The following DIDO1 variants were observed in gnomAD, a reference collection of about 807,000 sequenced individuals.
DIDO1 encodes the protein death inducer-obliterator 1, also known as death-inducer obliterator 1.
DIDO1 carries 16 observed loss-of-function variants against 99.4 expected under a neutral mutation model. That is an observed-to-expected ratio of 0.16 (90% CI 0.11 to 0.24). DIDO1 has a LOEUF of 0.24. Ranked by LOEUF, DIDO1 falls within the 10% of genes least tolerant of loss-of-function variation. The pLI is 1.00. For missense variants in DIDO1, 2,996 were observed against 3,014.0 expected (o/e 0.99, Z 0.14); for synonymous variants, 1,366 against 1,239.1 (o/e 1.10, Z -2.15).
intron 1 of DIDO1, among the ~76,000 whole-genome samples, chr20:62,937,005 T>C (rs576481955): frequency 1.3e-5 from 2 of 152,368 alleles, no homozygotes; most frequent in South Asian, 4.1e-4. Flanking sequence ...GCTCTTTCGA[T>C]TAACGGAAAA....
At position 62,911,721 on chromosome 20, in the gene DIDO1, T is replaced by G. The variant is rs1359373257; in HGVS notation, c.-2-107A>C. On this transcript the variant is annotated intron_variant, in intron 2 of 15. Coordinates refer to ENST00000395343, the MANE Select transcript of DIDO1 (RefSeq NM_001193369.2). The surrounding 1 kb of genome is among the most constrained non-coding windows in gnomAD (Gnocchi z 7.0). ...GCCACCTCCCTACAAACAGTGGAGC[T>G]CTACATAAAGCAAGTCCTTCTGACC... The G allele has an allele frequency of 1.0e-6, 1 of 988,964 alleles. No homozygotes were observed. Among genetic ancestry groups the G allele is most frequent in the Non-Finnish European group, 1.4e-6 (1 of 689,688 alleles). The allele number at this position is 988,964 out of a possible 1,614,324, so 61.3% of individuals were successfully genotyped here.
chr20:62,905,381 A>T lies in DIDO1; in HGVS notation c.1588+506T>A, dbSNP rs1361202480. The T allele has an allele frequency of 2.8e-6, 4 of 1,453,398 alleles. No individual in the cohort carries two copies. In the East Asian group the frequency reaches 1.0e-4, roughly 36 times the overall value. The allele number at this position is 1,453,398 out of a possible 1,614,324, so 90.0% of individuals were successfully genotyped here. On this transcript the variant is annotated intron_variant, in intron 6 of 15. Transcript: ENST00000395343. Reference sequence around the variant, plus strand: ...TATCTGCCCAGTCAAAAATAAATGTACACCTGAAAATCAGATGCAACACTA... The same window carrying T: ...TATCTGCCCAGTCAAAAATAAATGTTCACCTGAAAATCAGATGCAACACTA...
At chr20:62,934,420 TTC>T (rs916933410) in intron 1 of DIDO1, among the ~76,000 whole-genome samples, 3 of 152,182 alleles carry the variant, frequency 2.0e-5, no homozygotes, top group African/African-American at 4.8e-5. Context: ...AGCTTAGGAC[TTC>T]TGACCTCCCT....
intron 6 of DIDO1, chr20:62,905,409 T>C: frequency 1.3e-6 from 2 of 1,485,518 alleles, no homozygotes; most frequent in Admixed American, 2.4e-5. Context: ...CAACACTAAC[T>C]TGCAAAGATT....
rs778158352 is a variant in DIDO1 at position 62,881,081 on chromosome 20, G to C, written c.4875C>G (p.Pro1625=). The C allele has an allele frequency of 1.9e-6, 3 of 1,609,132 alleles. No individual in the cohort carries two copies. The South Asian group carries it at 3.3e-5, about 18-fold the overall frequency. The change falls in exon 16 of 16, where the codon CCC becomes CCG. Residue 1625 remains proline, a synonymous_variant. Transcript: ENST00000395343. The surrounding 1 kb of genome is among the most constrained non-coding windows in gnomAD (Gnocchi z 8.3). The part of the protein sequence containing the change: ...ASSPWASGEK[P]PAGSEQDGWK... ...AGCCGTCCTGCTCGGACCCCGCTGG[G>C]GGCTTTTCGCCCGAAGCCCAGGGGG...
chr20:62,907,120 C>A, intron 5 of DIDO1, 27 bp downstream of exon 5: 1 of 1,612,576 alleles, frequency 6.2e-7, no homozygotes, highest in South Asian at 1.1e-5. Flanking sequence ...CGTCCACTGC[C>A]TGGGCGGCTG....
At position 62,880,362 on chromosome 20, in the gene DIDO1, C is replaced by T. The variant is rs768254865; in HGVS notation, c.5594G>A (p.Gly1865Asp). The change falls in exon 16 of 16, where the codon GGC becomes GAC. Residue 1865 changes from glycine to aspartate, a missense_variant. Transcript: ENST00000395343. Reference protein sequence around the residue: ...FQDAPYNEVTGAPAQFEGTEQ... With the variant: ...FQDAPYNEVTDAPAQFEGTEQ... ...TGTCCCTTCAAACTGGGCGGGGGCG[C>T]CCGTCACCTCGTTATACGGGGCGTC... is the stretch of plus-strand genomic sequence containing the variant. 3.1e-6 allele frequency: 5 copies of T among 1,612,704 alleles called. No homozygotes were observed. The highest frequency in any genetic ancestry group is 1.3e-5 in the African/African-American group (1 of 74,948).
In DIDO1 at chr20:62,896,267, C is replaced by G; in HGVS notation, c.2180G>C (p.Ser727Thr). ...AGGGTCCTTCAGGTTGAACATGATG[C>G]TGCGATATTTACTCTTGTAGCGATT... is the stretch of plus-strand genomic sequence containing the variant. Reference protein sequence around the residue: ...TDNRYKSKYRSIMFNLKDPKN... With the variant: ...TDNRYKSKYRTIMFNLKDPKN... The change falls in exon 8 of 16, where the codon AGC (serine) becomes ACC (threonine). Residue 727 changes from serine to threonine, a missense_variant. By Grantham distance (58) the Ser-to-Thr change is moderately conservative (BLOSUM62 1). Coordinates refer to ENST00000395343, the MANE Select transcript of DIDO1 (RefSeq NM_001193369.2). The surrounding 1 kb of genome is among the most constrained non-coding windows in gnomAD (Gnocchi z 4.4). 1 of 1,613,800 alleles carries G rather than the reference C, an allele frequency of 6.2e-7. No homozygotes were observed. Among genetic ancestry groups the G allele is most frequent in the Non-Finnish European group, 8.5e-7 (1 of 1,179,944 alleles).
Position 62,881,491 on chromosome 20 carries a change from G to C in DIDO1, c.4465C>G (p.Gln1489Glu), listed in dbSNP as rs764898458. The change falls in exon 16 of 16, where the codon CAG (glutamine) becomes GAG (glutamate). Residue 1489 changes from glutamine to glutamate, a missense_variant. This residue lies in a region of DIDO1 where 1,562 missense variants were observed against 1,412.6 expected (regional missense o/e 1.11). Transcript: ENST00000395343. The surrounding 1 kb of genome is among the most constrained non-coding windows in gnomAD (Gnocchi z 8.3). ...TCTTGCTCCTCCAGCTGTCTCTTCT[G>C]CTCCTCGATCTGTTTGTTCAGCTCT... ...LEELNKQIEE[Q>E]KRQLEEQEEA... 1 of 1,610,522 alleles carries C rather than the reference G, an allele frequency of 6.2e-7. No homozygotes were observed. Among genetic ancestry groups the C allele is most frequent in the Non-Finnish European group, 8.5e-7 (1 of 1,179,998 alleles).
Position 62,896,619 on chromosome 20 carries a change from G to C in DIDO1, c.1966C>G (p.Leu656Val), listed in dbSNP as rs750240016. Residue 656 changes from leucine (L) to valine (V), a missense_variant, in exon 7 of 16, where the codon CTT (leucine) becomes GTT (valine). Around this residue, in one of 5 missense-constraint regions of DIDO1, gnomAD observed 898 missense variants for 972.7 expected, o/e 0.92. Transcript: ENST00000395343. This position sits in a 1 kb window ranked among gnomAD's most constrained non-coding sequence, Gnocchi z 4.4. ...VPMASPAPGR[L>V]GAMSAAPSQP... ...GATGGTGCAGCACTCATAGCCCCAA[G>C]GCGTCCTGGGGCTGGCGAGGCCATT... 5.6e-6 allele frequency: 9 copies of C among 1,613,762 alleles called. No homozygotes were observed. The highest frequency in any genetic ancestry group is 6.8e-6 in the Non-Finnish European group (8 of 1,179,712).
chr20:62,916,456 T>G (rs751386033), intron 1 of DIDO1, among the ~76,000 whole-genome samples: 8 of 152,236 alleles, frequency 5.3e-5, no homozygotes. Flanking sequence ...AAGACACTTT[T>G]ACAAGTTGAG....
Position 62,880,174 on chromosome 20 carries a change from C to A in DIDO1, c.5782G>T (p.Gly1928Trp). The change falls in exon 16 of 16, where the codon GGG (glycine) becomes TGG (tryptophan). Residue 1928 changes from glycine (G) to tryptophan (W), a missense_variant. By Grantham distance (184) the Gly-to-Trp change is radical. Around this residue, in one of 5 missense-constraint regions of DIDO1, gnomAD observed 1,562 missense variants for 1,412.6 expected, o/e 1.11. Transcript: ENST00000395343. ...GTTTCAAACTGACTAGGATGGGGCC[C>A]TCTTGGGCCCACGAAATGACCAGGG... Reference protein sequence around the residue: ...PPPGHFVGPRGPHPSQFETAR... With the variant: ...PPPGHFVGPRWPHPSQFETAR... 1.9e-6 allele frequency: 3 copies of A among 1,612,460 alleles called. No individual in the cohort carries two copies. Among genetic ancestry groups the A allele is most frequent in the Non-Finnish European group, 2.5e-6 (3 of 1,179,902 alleles).
intron 1 of DIDO1, among the ~76,000 whole-genome samples, chr20:62,915,420 C>G (rs1188152131): frequency 6.6e-6 from 1 of 152,224 alleles, no homozygotes; most frequent in Admixed American, 6.5e-5. Context: ...TTCAAGAATT[C>G]AGAAACGACT....
intron 1 of DIDO1, among the ~76,000 whole-genome samples, chr20:62,923,321 A>G (rs1269832948): frequency 2.0e-5 from 3 of 152,100 alleles, no homozygotes; most frequent in Non-Finnish European, 4.4e-5. Flanking sequence ...GATTACAGGC[A>G]CGTACCACCA....
rs766787550 is a variant in DIDO1 at position 62,881,299 on chromosome 20, G to A, written c.4657C>T (p.Gln1553Ter). The A allele has an allele frequency of 6.2e-7, 1 of 1,604,936 alleles. No homozygotes were observed. Among genetic ancestry groups the A allele is most frequent in the Non-Finnish European group, 8.5e-7 (1 of 1,179,850 alleles). Reference protein sequence around the residue: ...DKPASLPPASQASNHRDPRQA... With the variant: ...DKPASLPPAS ...CGGGGGTCCCTGTGGTTTGACGCCT[G>A]GCTGGCGGGGGGCAGTGAGGCGGGC... Residue 1553 changes from glutamine to a stop codon, truncating the protein, a stop_gained, in exon 16 of 16, where the codon CAG (glutamine) becomes TAG (stop). Coordinates refer to ENST00000395343, the MANE Select transcript of DIDO1 (RefSeq NM_001193369.2). LOFTEE classifies it low-confidence loss of function (END_TRUNC). This position sits in a 1 kb window ranked among gnomAD's most constrained non-coding sequence, Gnocchi z 8.3.
In DIDO1 at chr20:62,879,884, C is replaced by A. The variant is rs1338219980; in HGVS notation, c.6072G>T (p.Arg2024Ser). The change falls in exon 16 of 16, where the codon AGG becomes AGT. Residue 2024 changes from arginine (R) to serine (S), a missense_variant. This residue lies in a region of DIDO1 where 1,562 missense variants were observed against 1,412.6 expected (regional missense o/e 1.11). Coordinates refer to ENST00000395343, the MANE Select transcript of DIDO1 (RefSeq NM_001193369.2). The surrounding 1 kb of genome is among the most constrained non-coding windows in gnomAD (Gnocchi z 6.3). The part of the protein sequence containing the change: ...QAPQVMKPGP[R>S]PLLELPSHPP... ...GGTGGCTGGGAAGCTCCAGCAGGGG[C>A]CTGGGGCCCGGCTTCATCACCTGCG... 6.3e-7 allele frequency: 1 copy of A among 1,588,646 alleles called. No individual in the cohort carries two copies. The highest frequency in any genetic ancestry group is 8.5e-7 in the Non-Finnish European group (1 of 1,169,784).
chr20:62,880,887 G>C lies in DIDO1; in HGVS notation c.5069C>G (p.Ser1690Trp). The C allele has an allele frequency of 6.2e-7, 1 of 1,612,174 alleles. No homozygotes were observed. Among genetic ancestry groups the C allele is most frequent in the Non-Finnish European group, 8.5e-7 (1 of 1,179,958 alleles). Residue 1690 changes from serine (S) to tryptophan (W), a missense_variant, in exon 16 of 16, where the codon TCG becomes TGG. Ser to Trp is a radical substitution (Grantham distance 177, BLOSUM62 -3). Coordinates refer to ENST00000395343, the MANE Select transcript of DIDO1 (RefSeq NM_001193369.2). The part of the protein sequence containing the change: ...RDPFTCPGFA[S>W]QDKALGSAQY... ...GGCTGAGCCGAGAGCCTTGTCCTGC[G>C]ACGCGAACCCCGGGCAGGTGAAAGG...
At position 62,894,204 on chromosome 20, in the gene DIDO1, G is replaced by A. The variant is rs2064464559; in HGVS notation, c.2573-10C>T. 1 of 1,607,762 alleles carries A rather than the reference G, an allele frequency of 6.2e-7. No homozygotes were observed. Among genetic ancestry groups the A allele is most frequent in the African/African-American group, 1.3e-5 (1 of 74,690 alleles). On this transcript the variant is annotated splice_polypyrimidine_tract_variant and intron_variant, in intron 11 of 15. Transcript: ENST00000395343. The surrounding 1 kb of genome is among the most constrained non-coding windows in gnomAD (Gnocchi z 4.4). Reference sequence around the variant, plus strand: ...GCGGAGGGAACCTGGCCTGAAGAAGGCGAGGAAAGGCTCTGTGAGAAACCC... The same window carrying A: ...GCGGAGGGAACCTGGCCTGAAGAAGACGAGGAAAGGCTCTGTGAGAAACCC...
At position 62,910,989 on chromosome 20, in the gene DIDO1, A is replaced by C. The variant is rs997846862; in HGVS notation, c.624T>G (p.Thr208=). Residue 208 remains threonine, a synonymous_variant, in exon 3 of 16, where the codon ACT becomes ACG. Transcript: ENST00000395343. ...AETVGSEASD[T]VEGVLPSKQE... ...GCTTACTGGGCAGGACGCCCTCCAC[A>C]GTGTCACTGGCCTCGGAGCCCACAG... 1 of 1,613,606 alleles carries C rather than the reference A, an allele frequency of 6.2e-7. No individual in the cohort carries two copies. Among genetic ancestry groups the C allele is most frequent in the South Asian group, 1.1e-5 (1 of 91,028 alleles).
Sources: gnomAD v4.1 joint callset for allele counts (sites outside exome capture counted in the v4.1 genomes callset) on GRCh38, gnomAD v4.1.1 for gene constraint, gnomAD v4.1.1 regional missense constraint, Gnocchi (gnomAD v3.1) non-coding constraint, MANE v1.5 for transcripts, NCBI Gene and HGNC (gene_info 2026-07-23, HGNC 2026-07-21) for gene names.